NLRC5: variants seen among roughly 807,000 people sequenced by gnomAD.
NLRC5 encodes the protein NLR family CARD domain containing 5.
In NLRC5, 114 loss-of-function variants were observed where a neutral mutation model predicts 206.9. The observed-to-expected ratio is 0.55, with a 90% CI of 0.47 to 0.64. The LOEUF is 0.64. Ranked by LOEUF, NLRC5 falls within the 30% of genes least tolerant of loss-of-function variation. The pLI is 0.00. For missense variants in NLRC5, 2,008 were observed against 2,305.5 expected, an observed-to-expected ratio of 0.87 and a Z score of 2.64; for synonymous variants, 952 against 962.8, an observed-to-expected ratio of 0.99 and a Z score of 0.21.
In NLRC5 at chr16:57,077,739, G is replaced by A; in HGVS notation, c.4940G>A (p.Ser1647Asn). The change falls in exon 42 of 49, where the codon AGC becomes AAC. Residue 1647 changes from serine to asparagine, a missense_variant. Coordinates refer to ENST00000688547, the MANE Select transcript of NLRC5 (RefSeq NM_001384950.1). The part of the protein sequence containing the change: ...RKIDLSGNSI[S>N]SAGGVQLAES... ...CACAGCCTCTCAGGGAATAGCATCAGCTCAGCCGGGGGAGTGCAGTTGGCA... is the reference window on the plus strand; with the variant it reads ...CACAGCCTCTCAGGGAATAGCATCAACTCAGCCGGGGGAGTGCAGTTGGCA... The A allele has an allele frequency of 6.3e-7, 1 of 1,597,680 alleles. No individual in the cohort carries two copies. The highest frequency in any genetic ancestry group is 8.5e-7 in the Non-Finnish European group (1 of 1,170,954).
chr16:57,081,227 A>G (rs2069103602), intron 47 of NLRC5, 46 bp downstream of exon 47: 1 of 1,514,154 alleles, frequency 6.6e-7, no homozygotes, highest in African/African-American at 1.4e-5. Flanking sequence ...AGGGGGACCT[A>G]CATCCCGGGA....
intron 18 of NLRC5, 68 bp from the exon 19 acceptor site, chr16:57,041,914 G>T: frequency 9.4e-7 from 1 of 1,058,772 alleles, no homozygotes; most frequent in South Asian, 1.6e-5. Flanking sequence ...CTGGAATGCA[G>T]GGACCATGCT....
intron 5 of NLRC5, among the ~76,000 whole-genome samples, 190 bp downstream of exon 5, chr16:57,024,043 G>A (rs562687705): frequency 7.2e-5 from 11 of 152,250 alleles, no homozygotes; most frequent in Non-Finnish European, 1.3e-4. Flanking sequence ...GGCAGCGAAG[G>A]GGCTCCCCAC....
chr16:57,022,813 C>T (rs988531577), intron 4 of NLRC5, among the ~76,000 whole-genome samples: 1 of 152,366 alleles, frequency 6.6e-6, no homozygotes, highest in East Asian at 1.9e-4. Flanking sequence ...ACACTTTCAT[C>T]TCAGCACCTT....
chr16:57,058,759 T>C (rs2066025072), intron 28 of NLRC5, among the ~76,000 whole-genome samples: 1 of 152,160 alleles, frequency 6.6e-6, no homozygotes, highest in African/African-American at 2.4e-5. Context: ...GCAGGGTGAG[T>C]GCAGCGCTCA....
rs576251301 is a variant in NLRC5 at position 57,029,914 on chromosome 16, C to G, written c.2327+58C>G. ...GTCCCTCTCTATACCTGATTCACCC[C>G]ACTCCCTTGCAAGGCAAGGAAGGTC... On this transcript the variant is annotated intron_variant, in intron 9 of 48. Transcript: ENST00000688547. The G allele has an allele frequency of 1.2e-5, 19 of 1,605,870 alleles. No homozygotes were observed. In the East Asian group the frequency reaches 3.6e-4, roughly 30 times the overall value.
At chr16:57,027,139 G>C (rs2061338975) in intron 6 of NLRC5, 121 bp downstream of exon 6, 1 of 1,181,378 alleles carries the variant, frequency 8.5e-7, no homozygotes, top group East Asian at 2.4e-5. Context: ...AGAACATAAT[G>C]GCCTGCAATG....
chr16:57,059,092 T>C, intron 29 of NLRC5, 31 bp downstream of exon 29: 1 of 1,613,332 alleles, frequency 6.2e-7, no homozygotes, highest in Non-Finnish European at 8.5e-7. Context: ...GAAAAGCCCC[T>C]TTCTGCTGGC....
chr16:56,999,349 G>A (rs1279662183), intron 1 of NLRC5, among the ~76,000 whole-genome samples: 1 of 152,216 alleles, frequency 6.6e-6, no homozygotes, highest in Non-Finnish European at 1.5e-5. Context: ...AGGTCAAAGG[G>A]TAGAAGCGCA....
At chr16:57,016,147 G>A (rs1398487752) in intron 1 of NLRC5, among the ~76,000 whole-genome samples, 4 of 151,832 alleles carry the variant, frequency 2.6e-5, no homozygotes, top group East Asian at 1.9e-4. Flanking sequence ...CCTAGGAGGT[G>A]GAGGTTGCAG....
intron 43 of NLRC5, 26 bp downstream of exon 43, chr16:57,078,046 G>C: frequency 6.4e-7 from 1 of 1,554,340 alleles, no homozygotes; most frequent in Non-Finnish European, 8.7e-7. Flanking sequence ...CCCATACCAT[G>C]CAGGGCTGGT....
In NLRC5 at chr16:57,054,781, C is replaced by T; in HGVS notation, c.3537C>T (p.Ser1179=). Residue 1179 remains serine (S), a synonymous_variant, in exon 25 of 49, where the codon AGC becomes AGT. Coordinates refer to ENST00000688547, the MANE Select transcript of NLRC5 (RefSeq NM_001384950.1). Reference sequence around the variant, plus strand: ...GCCAGACGGGACTGTCCCCGAAAAGCCCCTTCCTGCTGGCCAACACCTTAA... The same window carrying T: ...GCCAGACGGGACTGTCCCCGAAAAGTCCCTTCCTGCTGGCCAACACCTTAA... ...QLSQTGLSPK[S]PFLLANTLSL... The T allele has an allele frequency of 6.2e-7, 1 of 1,614,198 alleles. No individual in the cohort carries two copies. The highest frequency in any genetic ancestry group is 8.5e-7 in the Non-Finnish European group (1 of 1,180,030).
At chr16:56,992,660 A>G (rs1260354399) in intron 1 of NLRC5, among the ~76,000 whole-genome samples, 1 of 151,718 alleles carries the variant, frequency 6.6e-6, no homozygotes, top group Non-Finnish European at 1.5e-5. Context: ...TATTTTTAGT[A>G]CAGACAGGAT....
At chr16:57,045,376 C>G in intron 20 of NLRC5, 72 bp from the exon 21 acceptor site, 1 of 1,527,010 alleles carries the variant, frequency 6.5e-7, no homozygotes, top group Non-Finnish European at 9.1e-7. Flanking sequence ...CCTGACCAGT[C>G]TGGGTTCTTG....
chr16:57,078,494 T>C (rs1234001942), intron 43 of NLRC5, among the ~76,000 whole-genome samples: 3 of 136,104 alleles, frequency 2.2e-5, no homozygotes, highest in African/African-American at 8.6e-5. Context: ...TTTTTTTAGA[T>C]GGAGTCTCTC....
intron 38 of NLRC5, among the ~76,000 whole-genome samples, chr16:57,072,269 C>T (rs929022509): frequency 2.0e-5 from 3 of 152,202 alleles, no homozygotes; most frequent in African/African-American, 7.2e-5. Context: ...GTACCATTCT[C>T]TCTGTGGTTA....
chr16:57,028,236 G>T, intron 7 of NLRC5, 66 bp from the exon 8 acceptor site: 1 of 1,579,272 alleles, frequency 6.3e-7, no homozygotes, highest in African/African-American at 1.3e-5. Flanking sequence ...TCCTACACAA[G>T]GCAGATTCCT....
chr16:57,077,428 C>A, intron 41 of NLRC5, 49 bp downstream of exon 41: 1 of 1,523,388 alleles, frequency 6.6e-7, no homozygotes, highest in Non-Finnish European at 9.1e-7. Context: ...ACACGATGGT[C>A]CTAGGAGATA....
rs1320034546 is a variant in NLRC5 at position 57,077,802 on chromosome 16, TGTGA to T, written c.5003+4_5003+7del. 6 of 1,599,400 alleles carry T rather than the reference TGTGA, an allele frequency of 3.8e-6. No homozygotes were observed. Among genetic ancestry groups the T allele is most frequent in the Admixed American group, 3.4e-5 (2 of 58,612 alleles). On this transcript the variant is annotated splice_donor_variant and splice_donor_region_variant and intron_variant, in intron 42 of 48. Transcript: ENST00000688547. LOFTEE classifies it high-confidence loss of function. ...CTTTGCAGGCGCCTGGAGGAGTTGA[TGTGA>T]GTGTCTGCCCAGGTGGCCTCTGCCC...
Sources: allele counts gnomAD v4.1 joint callset (sites outside exome capture counted in the v4.1 genomes callset), GRCh38; gene constraint gnomAD v4.1.1; transcripts MANE v1.5; gene names NCBI Gene and HGNC (gene_info 2026-07-23, HGNC 2026-07-21).